The following IRAK3 variants were observed in gnomAD, a reference collection of about 807,000 sequenced individuals.
The protein encoded by IRAK3 is interleukin-1 receptor-associated kinase 3.
IRAK3 carries 57 observed loss-of-function variants against 56.6 expected under a neutral mutation model. The observed-to-expected ratio is 1.01, with a 90% CI of 0.81 to 1.26. IRAK3 has a LOEUF of 1.26. Ranked by LOEUF, IRAK3 falls within the 50% of genes most tolerant of loss-of-function variation. IRAK3 has a pLI of 0.00. For synonymous variants in IRAK3, 258 were observed against 255.7 expected, an observed-to-expected ratio of 1.01 and a Z score of -0.09; for missense variants, 703 against 719.0, an observed-to-expected ratio of 0.98 and a Z score of 0.25.
chr12:66,198,058 A>C (rs1277220427), intron 1 of IRAK3: 1 of 985,234 alleles, frequency 1.0e-6, no homozygotes, highest in East Asian at 1.1e-4. Context: ...GTGAGCTAGA[A>C]CATGTTTATA....
In IRAK3 at chr12:66,253,036, C is replaced by T. The variant is rs986193032; in HGVS notation, c.*4865C>T. The T allele has an allele frequency of 1.3e-5, 2 of 152,168 alleles. No homozygotes were observed. The highest frequency in any genetic ancestry group is 1.3e-4 in the Admixed American group (2 of 15,266). The allele number at this position is 152,168 out of a possible 1,614,324, so 9.4% of individuals were successfully genotyped here. On this transcript the variant is annotated 3_prime_UTR_variant, in exon 12 of 12. Coordinates refer to ENST00000261233, the MANE Select transcript of IRAK3 (RefSeq NM_007199.3). ...ACTGCAGGTTCCCTGAGGGAAAGGT[C>T]TATGTCCTGCTCATTTTTGGATCCC...
At chr12:66,198,792 G>A (rs902274617) in intron 1 of IRAK3, among the ~76,000 whole-genome samples, 8 of 135,634 alleles carry the variant, frequency 5.9e-5, no homozygotes, top group Non-Finnish European at 1.1e-4. Context: ...GTCTCACTCT[G>A]TCACCCAGGC....
At chr12:66,198,761 T>G (rs985607505) in intron 1 of IRAK3, among the ~76,000 whole-genome samples, 1 of 151,160 alleles carries the variant, frequency 6.6e-6, no homozygotes, top group East Asian at 1.9e-4. Flanking sequence ...TTTTTTTTTT[T>G]TTTTGTTTTT....
intron 8 of IRAK3, chr12:66,234,564 A>G: frequency 3.7e-6 from 6 of 1,611,818 alleles, no homozygotes; most frequent in South Asian, 1.1e-5. Flanking sequence ...TCTCTATGCC[A>G]TGGTCTTCCA....
At position 66,247,802 on chromosome 12, in the gene IRAK3, A is replaced by G. The variant is rs1387796407; in HGVS notation, c.1422A>G (p.Val474=). The G allele has an allele frequency of 2.5e-6, 4 of 1,613,852 alleles. No individual in the cohort carries two copies. The highest frequency in any genetic ancestry group is 1.7e-5 in the Admixed American group (1 of 60,008). Residue 474 remains valine (V), a synonymous_variant, in exon 12 of 12, where the codon GTA becomes GTG. Coordinates refer to ENST00000261233, the MANE Select transcript of IRAK3 (RefSeq NM_007199.3). ...CTTCTCCTCTATTCCTGGAGAATGT[A>G]CCAAGTATTCCAGTGGAAGATGATG... is the stretch of plus-strand genomic sequence containing the variant. ...RCPSPLFLEN[V]PSIPVEDDES...
At chr12:66,191,862 A>C (rs1379752693) in intron 1 of IRAK3, among the ~76,000 whole-genome samples, 1 of 152,212 alleles carries the variant, frequency 6.6e-6, no homozygotes, top group Non-Finnish European at 1.5e-5. Flanking sequence ...AAACAACTGT[A>C]ATATACTAAG....
In IRAK3 at chr12:66,235,016, G is replaced by T; in HGVS notation, c.887+6646G>T. ...TTTGTTCGTTGTCTTATGCAAAATT[G>T]CGTTTGTGGAGACTATTTTCCCATA... On this transcript the variant is annotated intron_variant, in intron 8 of 11. Coordinates refer to ENST00000261233, the MANE Select transcript of IRAK3 (RefSeq NM_007199.3). 4 of 1,613,526 alleles carry T rather than the reference G, an allele frequency of 2.5e-6. No individual in the cohort carries two copies. In the South Asian group the frequency reaches 4.4e-5, roughly 18 times the overall value.
At chr12:66,220,418 T>G (rs563855149) in intron 6 of IRAK3, among the ~76,000 whole-genome samples, 1 of 151,978 alleles carries the variant, frequency 6.6e-6, no homozygotes, top group East Asian at 1.9e-4. Context: ...GGTCAATGAG[T>G]CTGTTTTTAT....
chr12:66,189,415 T>G lies in IRAK3; in HGVS notation c.116T>G (p.Leu39Arg). ...CAVLDSCDGA[L>R]GWRGLAERLS... is the part of the protein sequence containing the mutation. The stretch of plus-strand genomic sequence containing the variant: ...GTTCTGGACAGCTGCGACGGCGCGC[T>G]GGGCTGGCGCGGCCTGGGTGAGTCG... The change falls in exon 1 of 12, where the codon CTG becomes CGG. Residue 39 changes from leucine (L) to arginine (R), a missense_variant. Leu to Arg is a moderately radical substitution (Grantham distance 102). Transcript: ENST00000261233. The G allele has an allele frequency of 7.1e-7, 1 of 1,403,510 alleles. No individual in the cohort carries two copies. Among genetic ancestry groups the G allele is most frequent in the Non-Finnish European group, 9.3e-7 (1 of 1,076,892 alleles). 86.9% of individuals were successfully genotyped at this position (1,403,510 alleles called of 1,614,324 possible).
At chr12:66,247,012 G>C (rs559174090) in intron 11 of IRAK3, among the ~76,000 whole-genome samples, 2 of 152,318 alleles carry the variant, frequency 1.3e-5, no homozygotes, top group East Asian at 3.9e-4. Flanking sequence ...GCTCACGACT[G>C]TAATCCCAGC....
Position 66,203,851 on chromosome 12 carries a change from G to C in IRAK3, c.274G>C (p.Glu92Gln). Residue 92 changes from glutamate (E) to glutamine (Q), a missense_variant, in exon 2 of 12, where the codon GAG (glutamate) becomes CAG (glutamine). Coordinates refer to ENST00000261233, the MANE Select transcript of IRAK3 (RefSeq NM_007199.3). ...CGGTGACCTTTTACAGGTCCTCCAG[G>C]AGATGGGACATCGTCGAGCTATTCA... is the stretch of plus-strand genomic sequence containing the variant. ...TIGDLLQVLQ[E>Q]MGHRRAIHLI... 1 of 1,614,100 alleles carries C rather than the reference G, an allele frequency of 6.2e-7. No homozygotes were observed. The highest frequency in any genetic ancestry group is 8.5e-7 in the Non-Finnish European group (1 of 1,179,972).
chr12:66,252,332 G>A lies in IRAK3; in HGVS notation c.*4161G>A, dbSNP rs1443902704. 6.6e-6 allele frequency: 1 copy of A among 152,188 alleles called. No individual in the cohort carries two copies. The highest frequency in any genetic ancestry group is 1.5e-5 in the Non-Finnish European group (1 of 68,030). 9.4% of individuals were successfully genotyped at this position (152,188 alleles called of 1,614,324 possible). A position where few individuals can be genotyped will look rare whatever the true frequency, so the allele number is the denominator to read the frequency against. ...ACATTTGTCTGACTTCAAAATCCAT[G>A]CTTTTTCTTGTGTTCCAAATTGCAC... On this transcript the variant is annotated 3_prime_UTR_variant, in exon 12 of 12. Coordinates refer to ENST00000261233, the MANE Select transcript of IRAK3 (RefSeq NM_007199.3).
chr12:66,243,124 C>T (rs2052988978), intron 8 of IRAK3, among the ~76,000 whole-genome samples: 2 of 152,128 alleles, frequency 1.3e-5, no homozygotes, highest in Admixed American at 1.3e-4. Context: ...CAACTCAGCC[C>T]TAGACAAAGT....
At chr12:66,191,725 A>T (rs2052401673) in intron 1 of IRAK3, among the ~76,000 whole-genome samples, 1 of 152,184 alleles carries the variant, frequency 6.6e-6, no homozygotes. Flanking sequence ...GAAGGGAGAA[A>T]GAGGGGAAGA....
chr12:66,216,830 A>C (rs545146897), intron 5 of IRAK3, among the ~76,000 whole-genome samples: 1 of 152,336 alleles, frequency 6.6e-6, no homozygotes, highest in South Asian at 2.1e-4. Flanking sequence ...TGGATTCTTT[A>C]TAAGATCAAG....
Position 66,203,781 on chromosome 12 carries a change from A to T in IRAK3, c.204A>T (p.Gly68=). ...AGTATGTAGACCAAGGTAAAAGTGG[A>T]ACAAGAGAATTACTTTGGTCCTGGG... ...IEKYVDQGKS[G]TRELLWSWAQ... Residue 68 remains glycine, a synonymous_variant, in exon 2 of 12, where the codon GGA becomes GGT. Transcript: ENST00000261233. 6.2e-7 allele frequency: 1 copy of T among 1,614,028 alleles called. No homozygotes were observed. The highest frequency in any genetic ancestry group is 8.5e-7 in the Non-Finnish European group (1 of 1,179,912).
At position 66,252,234 on chromosome 12, in the gene IRAK3, A is replaced by G. The variant is rs761071071; in HGVS notation, c.*4063A>G. The stretch of plus-strand genomic sequence containing the variant: ...GTGAGGACACTGAGTCAGGAAACTA[A>G]CTTGCTAAAATCAAGTCCTCCCAGT... On this transcript the variant is annotated 3_prime_UTR_variant, in exon 12 of 12. Transcript: ENST00000261233. 1 of 152,154 alleles carries G rather than the reference A, an allele frequency of 6.6e-6. No homozygotes were observed. The highest frequency in any genetic ancestry group is 1.5e-5 in the Non-Finnish European group (1 of 68,026). 9.4% of individuals were successfully genotyped at this position (152,154 alleles called of 1,614,324 possible).
At position 66,252,507 on chromosome 12, in the gene IRAK3, C is replaced by G. The variant is rs2053110494; in HGVS notation, c.*4336C>G. The stretch of plus-strand genomic sequence containing the variant: ...ACAACTTCTCTGCTACAGGCACCCA[C>G]TGCAGTTACTTGATATGAGTTAAAT... On this transcript the variant is annotated 3_prime_UTR_variant, in exon 12 of 12. Coordinates refer to ENST00000261233, the MANE Select transcript of IRAK3 (RefSeq NM_007199.3). 1.3e-5 allele frequency: 2 copies of G among 152,262 alleles called. No homozygotes were observed. The highest frequency in any genetic ancestry group is 1.3e-4 in the Admixed American group (2 of 15,284). The allele number at this position is 152,262 out of a possible 1,614,324, so 9.4% of individuals were successfully genotyped here.
chr12:66,197,716 C>T, intron 1 of IRAK3: 1 of 985,382 alleles, frequency 1.0e-6, no homozygotes, highest in Non-Finnish European at 1.2e-6. Context: ...GATGCAAACT[C>T]AGAACTATAT....
Sources: gnomAD v4.1 joint callset for allele counts (sites outside exome capture counted in the v4.1 genomes callset) on GRCh38, gnomAD v4.1.1 for gene constraint, MANE v1.5 for transcripts, NCBI Gene and HGNC (gene_info 2026-07-23, HGNC 2026-07-21) for gene names.